NOX4: variants seen among roughly 807,000 people sequenced by gnomAD.
The protein encoded by NOX4 is kidney oxidase-1.
A neutral mutation model predicts 87.6 loss-of-function variants in NOX4; 69 were observed. The ratio of observed to expected loss-of-function variants is 0.79; its 90% CI spans 0.65 to 0.96. NOX4 has a LOEUF of 0.96. Among genes scored for constraint, NOX4 ranks in the 40% least tolerant of loss-of-function variants. The pLI, the probability that NOX4 is intolerant of heterozygous loss-of-function variation, is 0.00. For synonymous variants in NOX4, 275 were observed against 238.2 expected (o/e 1.15, Z -1.42); for missense variants, 680 against 681.5 (o/e 1.00, Z 0.02).
chr11:89,456,271 AAATG>A (rs10553064), intron 2 of NOX4, among the ~76,000 whole-genome samples: 2,094 of 152,320 alleles, frequency 0.014, 46 homozygotes, highest in African/African-American at 0.048. Flanking sequence ...TTGTGTGAAT[AAATG>A]AATGGATGAA....
chr11:89,342,153 A>T lies in NOX4; in HGVS notation c.1258T>A (p.Ser420Thr). ...DGPFGSPFEE[S>T]LNYEVSLCVA... ...CAGAGGCTGACCTCATAGTTCAGTG[A>T]TTCCTCAAATGGACTTCCAAAAGGA... Residue 420 changes from serine (S) to threonine (T), a missense_variant, in exon 14 of 18, where the codon TCA becomes ACA. Physicochemically the swap from Ser to Thr is moderately conservative, Grantham distance 58. Coordinates refer to ENST00000263317, the MANE Select transcript of NOX4 (RefSeq NM_016931.5). The T allele has an allele frequency of 6.2e-7, 1 of 1,612,738 alleles. No individual in the cohort carries two copies. Among genetic ancestry groups the T allele is most frequent in the South Asian group, 1.1e-5 (1 of 91,040 alleles).
chr11:89,572,750 C>T, the NOX4 span, among the ~76,000 whole-genome samples: 7 of 152,098 alleles, frequency 4.6e-5, no homozygotes, highest in East Asian at 1.4e-3. Context: ...TTCTTTCCAA[C>T]CTTTCTGTAT....
chr11:89,446,524 A>G (rs1944717941), intron 4 of NOX4, among the ~76,000 whole-genome samples: 1 of 152,128 alleles, frequency 6.6e-6, no homozygotes, highest in Non-Finnish European at 1.5e-5. Context: ...ATAAGGGAAT[A>G]TTATTTACCA....
At chr11:89,423,753 A>T (rs1042123634) in intron 7 of NOX4, among the ~76,000 whole-genome samples, 4 of 151,134 alleles carry the variant, frequency 2.6e-5, no homozygotes, top group African/African-American at 9.7e-5. Flanking sequence ...ACTCCTTAAA[A>T]ATATATATAT....
At chr11:89,333,753 A>G (rs1945578137) in intron 17 of NOX4, among the ~76,000 whole-genome samples, 1 of 151,816 alleles carries the variant, frequency 6.6e-6, no homozygotes, top group African/African-American at 2.4e-5. Context: ...GCCTTTGTCC[A>G]GTTAATGAGA....
chr11:89,466,939 T>C (rs1360685185), intron 2 of NOX4, among the ~76,000 whole-genome samples: 1 of 152,146 alleles, frequency 6.6e-6, no homozygotes, highest in African/African-American at 2.4e-5. Context: ...ACATGGTGTA[T>C]ATGTAATAAA....
At chr11:89,443,662 GA>G (rs1451642851) in intron 5 of NOX4, 1 of 153,412 alleles carries the variant, frequency 6.5e-6, no homozygotes, top group East Asian at 1.9e-4. Flanking sequence ...TTAATTCGAG[GA>G]ATGTTTTTAA....
rs370607603 is a variant in NOX4 at position 89,339,308 on chromosome 11, T to C, written c.1446+755A>G. Among the ~76,000 whole-genome samples, 24 of 152,158 alleles carry C rather than the reference T, an allele frequency of 1.6e-4. No homozygotes were observed. In the South Asian group the frequency reaches 3.9e-3, roughly 25 times the overall value. On this transcript the variant is annotated intron_variant, in intron 15 of 17. Transcript: ENST00000263317. ...AGTGAAGTAGTTCTAGATGCACTAA[T>C]ACCAAAAAATAGTCAAGACACAGTA...
At chr11:89,378,112 T>C (rs1015805122) in intron 11 of NOX4, among the ~76,000 whole-genome samples, 5 of 152,186 alleles carry the variant, frequency 3.3e-5, no homozygotes, top group Non-Finnish European at 7.4e-5. Context: ...TCCTATGGAT[T>C]AACCTTTTGT....
At chr11:89,462,935 G>A (rs1490878586) in intron 2 of NOX4, among the ~76,000 whole-genome samples, 2 of 151,648 alleles carry the variant, frequency 1.3e-5, no homozygotes, top group African/African-American at 4.8e-5. Context: ...GAAGAGAGAA[G>A]AAAAAGATAG....
the NOX4 span, among the ~76,000 whole-genome samples, chr11:89,525,220 G>GTGTGGAATAGCTGCCTAGA: frequency 1.3e-5 from 2 of 151,882 alleles, no homozygotes; most frequent in East Asian, 1.9e-4. Flanking sequence ...AAATTCCTAG[G>GTGTGGAATAGCTGCCTAGA]TGTGGAATAG....
At chr11:89,409,916 G>GAA (rs1942385870) in intron 8 of NOX4, among the ~76,000 whole-genome samples, 1 of 151,902 alleles carries the variant, frequency 6.6e-6, no homozygotes, top group African/African-American at 2.4e-5. Flanking sequence ...ACTAAAAAGT[G>GAA]AAATAAAACA....
At chr11:89,569,466 T>A in the NOX4 span, among the ~76,000 whole-genome samples, 1 of 152,168 alleles carries the variant, frequency 6.6e-6, no homozygotes, top group Non-Finnish European at 1.5e-5. Flanking sequence ...ATGCTCAACA[T>A]CACTAATCAT....
upstream of NOX4, among the ~76,000 whole-genome samples, chr11:89,500,704 T>C (rs184517634): frequency 1.7e-4 from 26 of 152,224 alleles, no homozygotes; most frequent in East Asian, 5.0e-3. Flanking sequence ...CAATGAAGGA[T>C]AATGAAAGAT....
At chr11:89,502,260 T>C (rs1947030949), upstream of NOX4, among the ~76,000 whole-genome samples, 1 of 151,936 alleles carries the variant, frequency 6.6e-6, no homozygotes, top group Admixed American at 6.6e-5. Flanking sequence ...ACCCCACGAG[T>C]CTTATCGGAA....
chr11:89,481,359 T>C (rs1946383691), intron 2 of NOX4, among the ~76,000 whole-genome samples: 2 of 149,422 alleles, frequency 1.3e-5, no homozygotes, highest in South Asian at 4.2e-4. Flanking sequence ...TATTTAATAT[T>C]TATAGTAATA....
intron 12 of NOX4, among the ~76,000 whole-genome samples, chr11:89,363,463 C>T (rs1202637600): frequency 1.3e-5 from 2 of 152,022 alleles, no homozygotes; most frequent in African/African-American, 4.8e-5. Flanking sequence ...ACCAAGGCAG[C>T]TCTGTTTATT....
At chr11:89,487,112 T>C (rs1565350189) in intron 2 of NOX4, among the ~76,000 whole-genome samples, 1 of 152,168 alleles carries the variant, frequency 6.6e-6, no homozygotes, top group Non-Finnish European at 1.5e-5. Context: ...TGAAGTCGTT[T>C]AGAAAAGCTA....
the NOX4 span, among the ~76,000 whole-genome samples, chr11:89,512,893 A>G: frequency 6.6e-6 from 1 of 152,102 alleles, no homozygotes; most frequent in East Asian, 1.9e-4. Context: ...TTCTATCTTG[A>G]CTTGTGCACC....
Sources: gnomAD v4.1 joint callset for allele counts (sites outside exome capture counted in the v4.1 genomes callset) on GRCh38, gnomAD v4.1.1 for gene constraint, MANE v1.5 for transcripts, NCBI Gene and HGNC (gene_info 2026-07-23, HGNC 2026-07-21) for gene names.